Variants in ANO3 observed in about 807,000 individuals in gnomAD.
ANO3 encodes anoctamin-3.
A neutral mutation model predicts 144.8 loss-of-function variants in ANO3; 99 were observed. That is an observed-to-expected ratio of 0.68 (90% CI 0.58 to 0.81). The LOEUF (loss-of-function observed/expected upper bound fraction) is 0.81, where lower values mean the gene tolerates loss of function less well. Among genes scored for constraint, ANO3 ranks in the 30% least tolerant of loss-of-function variants. ANO3 has a pLI of 0.00. For synonymous variants in ANO3, 414 were observed against 392.6 expected (o/e 1.05, Z -0.64); for missense variants, 905 against 1,202.2 (o/e 0.75, Z 3.66).
Position 26,427,224 on chromosome 11 carries a change from T to A in ANO3, c.47-14694T>A, listed in dbSNP as rs1204488435. ...ACATCTCCAAACAACAAGTTCAAGA[T>A]CAGCATGAAATTGGAAATCCAGGAT... On this transcript the variant is annotated intron_variant, in intron 1 of 26. Transcript: ENST00000256737. 3 of 185,156 alleles carry A rather than the reference T, an allele frequency of 1.6e-5. No individual in the cohort carries two copies. The East Asian group carries it at 3.9e-4, about 24-fold the overall frequency. The allele number at this position is 185,156 out of a possible 1,614,324, so 11.5% of individuals were successfully genotyped here.
intron 14 of ANO3, among the ~76,000 whole-genome samples, chr11:26,589,558 C>G (rs1851385557): frequency 6.6e-6 from 1 of 152,044 alleles, no homozygotes; most frequent in South Asian, 2.1e-4. Flanking sequence ...TTCATTACCC[C>G]AGAAGAAAGC....
chr11:26,659,688 T>C (rs1226413037), intron 26 of ANO3, among the ~76,000 whole-genome samples: 3 of 152,110 alleles, frequency 2.0e-5, no homozygotes, highest in South Asian at 4.1e-4. Context: ...AAGAATGAGA[T>C]GCTGTCTCAA....
chr11:26,387,141 T>C (rs143629313), intron 1 of ANO3, among the ~76,000 whole-genome samples: 28,543 of 148,282 alleles, frequency 0.19, 2,951 homozygotes, highest in South Asian at 0.3. Flanking sequence ...TTTTTTTTTT[T>C]TTTTTTTTTT....
At chr11:26,205,196 G>T (rs552524873) in intron 1 of ANO3, among the ~76,000 whole-genome samples, 1 of 152,098 alleles carries the variant, frequency 6.6e-6, no homozygotes, top group Non-Finnish European at 1.5e-5. Context: ...GAATTATTAC[G>T]ATTCAAGGTG....
At chr11:26,581,486 C>T (rs1043885237) in intron 14 of ANO3, among the ~76,000 whole-genome samples, 3 of 151,630 alleles carry the variant, frequency 2.0e-5, no homozygotes, top group South Asian at 2.1e-4. Flanking sequence ...GTCAGGAGTT[C>T]GAGACCACCC....
At chr11:26,299,855 T>G (rs1181779011) in intron 1 of ANO3, among the ~76,000 whole-genome samples, 1 of 152,186 alleles carries the variant, frequency 6.6e-6, no homozygotes, top group Non-Finnish European at 1.5e-5. Flanking sequence ...AGTATACAAT[T>G]GCCAATAAGT....
chr11:26,602,238 G>A (rs1395973364), intron 17 of ANO3, among the ~76,000 whole-genome samples: 2 of 152,246 alleles, frequency 1.3e-5, no homozygotes, highest in Non-Finnish European at 1.5e-5. Flanking sequence ...AAGCATATTA[G>A]AATAAAGAAA....
At chr11:26,315,103 GA>G (rs5790568) in intron 1 of ANO3, among the ~76,000 whole-genome samples, 2 of 149,696 alleles carry the variant, frequency 1.3e-5, no homozygotes, top group Admixed American at 6.7e-5. Flanking sequence ...TATATTCTCA[GA>G]AAAAAAAACA....
At chr11:26,642,917 G>A (rs953057654) in intron 22 of ANO3, among the ~76,000 whole-genome samples, 19 of 148,676 alleles carry the variant, frequency 1.3e-4, no homozygotes, top group Admixed American at 9.4e-4. Context: ...TCTCTCCTTC[G>A]TGCTGCATTA....
intron 1 of ANO3, among the ~76,000 whole-genome samples, chr11:26,392,976 A>C (rs1165109292): frequency 1.3e-5 from 2 of 152,140 alleles, no homozygotes; most frequent in African/African-American, 4.8e-5. Flanking sequence ...TTCTATAACT[A>C]CATAACTAAA....
At chr11:26,352,847 A>G (rs1855682925) in intron 1 of ANO3, among the ~76,000 whole-genome samples, 1 of 152,112 alleles carries the variant, frequency 6.6e-6, no homozygotes, top group South Asian at 2.1e-4. Flanking sequence ...ACCTTTCTTT[A>G]TTATTACCTT....
chr11:26,335,038 A>C (rs1299480962), intron 1 of ANO3, among the ~76,000 whole-genome samples: 1 of 152,204 alleles, frequency 6.6e-6, no homozygotes, highest in Non-Finnish European at 1.5e-5. Flanking sequence ...AAGTATAAGT[A>C]TAGTATAGAT....
intron 24 of ANO3, among the ~76,000 whole-genome samples, chr11:26,648,594 TG>T (rs79845123): frequency 0.22 from 33,103 of 152,082 alleles, 3,801 homozygotes; most frequent in East Asian, 0.33. Flanking sequence ...AGATGTCCTC[TG>T]GGGGACAAAA....
intron 1 of ANO3, among the ~76,000 whole-genome samples, chr11:26,245,749 C>A (rs780437955): frequency 9.2e-5 from 14 of 152,090 alleles, no homozygotes; most frequent in South Asian, 2.1e-4. Context: ...TACCCAATAT[C>A]CCGATTGGGT....
chr11:26,359,348 C>A lies in ANO3; in HGVS notation c.46+27027C>A, dbSNP rs115417739. 7.9e-3 allele frequency among the ~76,000 whole-genome samples: 1,207 copies of A among 152,218 alleles called. 14 individuals are homozygous for A. The highest frequency in any genetic ancestry group is 0.028 in the African/African-American group (1,144 of 41,538). On this transcript the variant is annotated intron_variant, in intron 1 of 26. Transcript: ENST00000256737. ...GGGGTCTCATGAATCTTCAGTGCTCCTAGTTTGCCTAATTGGAAAAGGCAG... is the reference window on the plus strand; with the variant it reads ...GGGGTCTCATGAATCTTCAGTGCTCATAGTTTGCCTAATTGGAAAAGGCAG...
At chr11:26,285,368 C>A (rs888059727) in intron 1 of ANO3, among the ~76,000 whole-genome samples, 1 of 152,020 alleles carries the variant, frequency 6.6e-6, no homozygotes, top group Non-Finnish European at 1.5e-5. Context: ...TGAAAGATGT[C>A]ATTGTTATTA....
chr11:26,614,167 A>C (rs1248210432), intron 17 of ANO3, among the ~76,000 whole-genome samples: 2 of 152,164 alleles, frequency 1.3e-5, no homozygotes, highest in Non-Finnish European at 2.9e-5. Flanking sequence ...AGGTTGAAGC[A>C]GTTGTTTCTG....
At chr11:26,341,827 G>T (rs1203379951) in intron 1 of ANO3, among the ~76,000 whole-genome samples, 1 of 152,184 alleles carries the variant, frequency 6.6e-6, no homozygotes, top group African/African-American at 2.4e-5. Flanking sequence ...CAAAGCTGAA[G>T]AACCTGGAGT....
chr11:26,471,917 A>G (rs886712707), intron 4 of ANO3, among the ~76,000 whole-genome samples: 1 of 151,990 alleles, frequency 6.6e-6, no homozygotes, highest in South Asian at 2.1e-4. Flanking sequence ...TGTTTTTCCC[A>G]TGAGTACTTA....
Sources: gnomAD v4.1 joint callset for allele counts (sites outside exome capture counted in the v4.1 genomes callset) on GRCh38, gnomAD v4.1.1 for gene constraint, MANE v1.5 for transcripts, NCBI Gene and HGNC (gene_info 2026-07-23, HGNC 2026-07-21) for gene names.